Variants in CTNNA2 observed in about 807,000 individuals in gnomAD.
CTNNA2 encodes catenin alpha 2, also known as catenin alpha-2.
A neutral mutation model predicts 101.0 loss-of-function variants in CTNNA2; 42 were observed. The observed-to-expected ratio is 0.42, with a 90% CI of 0.32 to 0.54. CTNNA2 has a LOEUF of 0.54. CTNNA2 is among the 20% of genes least tolerant of loss of function. The pLI is 0.14. For synonymous variants in CTNNA2, 450 were observed against 456.4 expected (o/e 0.99, Z 0.18); for missense variants, 871 against 1,223.1 (o/e 0.71, Z 4.29).
At chr2:80,221,143 A>T (rs1279827864) in intron 7 of CTNNA2, among the ~76,000 whole-genome samples, 7 of 152,190 alleles carry the variant, frequency 4.6e-5, no homozygotes, top group Non-Finnish European at 8.8e-5. Context: ...TCGGCCTCCC[A>T]AAGTGTTGGG....
At chr2:79,523,160 T>C (rs1455969017) in intron 1 of CTNNA2, 2 of 368,026 alleles carry the variant, frequency 5.4e-6, no homozygotes, top group African/African-American at 4.2e-5. Flanking sequence ...TTGTGTAACA[T>C]TGCATTTTTT....
intron 6 of CTNNA2, among the ~76,000 whole-genome samples, chr2:79,887,306 G>C (rs1194624070): frequency 1.3e-5 from 2 of 152,154 alleles, no homozygotes. Flanking sequence ...AGAATCAACA[G>C]GTCATGAGAA....
intron 7 of CTNNA2, among the ~76,000 whole-genome samples, chr2:79,915,922 T>C (rs1686170834): frequency 6.6e-6 from 1 of 152,234 alleles, no homozygotes; most frequent in African/African-American, 2.4e-5. Context: ...CCGAAGGGAC[T>C]GTCATCAGAA....
At chr2:80,643,801 T>TCCATAA (rs533786908) in intron 18 of CTNNA2, among the ~76,000 whole-genome samples, 70 of 152,204 alleles carry the variant, frequency 4.6e-4, no homozygotes, top group East Asian at 3.3e-3. Flanking sequence ...TCTATTTATT[T>TCCATAA]CCATAAGGGT....
At chr2:80,103,191 C>G (rs1009000304) in intron 7 of CTNNA2, among the ~76,000 whole-genome samples, 3 of 152,170 alleles carry the variant, frequency 2.0e-5, no homozygotes, top group Non-Finnish European at 2.9e-5. Flanking sequence ...AAGAATAAAA[C>G]TATTTTCTCA....
At chr2:80,580,393 A>G (rs891952724) in intron 13 of CTNNA2, among the ~76,000 whole-genome samples, 2 of 152,182 alleles carry the variant, frequency 1.3e-5, no homozygotes, top group African/African-American at 2.4e-5. Context: ...AAGCAATTTT[A>G]TAACTTCAGT....
At chr2:79,602,003 T>A (rs1677584370) in intron 1 of CTNNA2, among the ~76,000 whole-genome samples, 1 of 152,128 alleles carries the variant, frequency 6.6e-6, no homozygotes, top group Non-Finnish European at 1.5e-5. Context: ...AATACAGTGT[T>A]GAATATCACA....
intron 2 of CTNNA2, among the ~76,000 whole-genome samples, chr2:79,273,787 C>T (rs549590629): frequency 4.6e-5 from 7 of 151,306 alleles, no homozygotes; most frequent in African/African-American, 1.2e-4. Flanking sequence ...ATTAAATGAG[C>T]GCTGACAGCA....
At chr2:80,166,273 T>G (rs1251918690) in intron 7 of CTNNA2, among the ~76,000 whole-genome samples, 1 of 152,140 alleles carries the variant, frequency 6.6e-6, no homozygotes, top group Admixed American at 6.6e-5. Flanking sequence ...AAGAGTTTTA[T>G]GATTAAAGGG....
At chr2:79,238,225 G>A (rs1174405090) in intron 2 of CTNNA2, among the ~76,000 whole-genome samples, 1 of 152,172 alleles carries the variant, frequency 6.6e-6, no homozygotes, top group African/African-American at 2.4e-5. Context: ...GGAGGCCAAA[G>A]GGGAGAGAGA....
chr2:80,521,418 G>A lies in CTNNA2; in HGVS notation c.1291-23564G>A, dbSNP rs138213881. Among the ~76,000 whole-genome samples the A allele has an allele frequency of 5.2e-3, 785 of 152,278 alleles. 12 individuals are homozygous for A. The highest frequency in any genetic ancestry group is 0.018 in the African/African-American group (744 of 41,546). On this transcript the variant is annotated intron_variant, in intron 9 of 18. Transcript: ENST00000402739. ...CACAGTTGCTCACATCCTAATCCCT[G>A]GAACCCATGAATATGTTACTTCATG...
intron 7 of CTNNA2, among the ~76,000 whole-genome samples, chr2:80,391,471 C>T (rs1238992327): frequency 6.6e-6 from 1 of 152,206 alleles, no homozygotes; most frequent in Non-Finnish European, 1.5e-5. Flanking sequence ...CAACTAAACT[C>T]ATAACTTTTA....
chr2:79,797,888 T>C (rs1297421617), intron 3 of CTNNA2, among the ~76,000 whole-genome samples: 3 of 152,134 alleles, frequency 2.0e-5, no homozygotes, highest in African/African-American at 7.2e-5. Flanking sequence ...ATGAATCATT[T>C]ATTCTTCATT....
chr2:79,563,935 A>G lies in CTNNA2; in HGVS notation c.-6+50728A>G, dbSNP rs147077450. Among the ~76,000 whole-genome samples the G allele has an allele frequency of 2.6e-5, 4 of 152,240 alleles. No individual in the cohort carries two copies. The East Asian group carries it at 7.7e-4, about 29-fold the overall frequency. On this transcript the variant is annotated intron_variant, in intron 1 of 18. Transcript: ENST00000402739. Reference sequence around the variant, plus strand: ...TTGTTTGTTGGCATAGGGCCTGGTCATTGCTCTTTTCCATCCTCATAATGG... The same window carrying G: ...TTGTTTGTTGGCATAGGGCCTGGTCGTTGCTCTTTTCCATCCTCATAATGG...
At chr2:80,116,275 A>G (rs918989739) in intron 7 of CTNNA2, among the ~76,000 whole-genome samples, 1 of 151,464 alleles carries the variant, frequency 6.6e-6, no homozygotes, top group Non-Finnish European at 1.5e-5. Flanking sequence ...CCATGTGTTT[A>G]GAATATGGAC....
chr2:80,264,276 T>G (rs930815930), intron 7 of CTNNA2, among the ~76,000 whole-genome samples: 2 of 152,064 alleles, frequency 1.3e-5, no homozygotes, highest in Non-Finnish European at 2.9e-5. Flanking sequence ...GAGGAGAAGG[T>G]TATAGCAAAA....
intron 7 of CTNNA2, among the ~76,000 whole-genome samples, chr2:80,165,438 T>A (rs1281116721): frequency 2.6e-5 from 4 of 152,216 alleles, no homozygotes; most frequent in Non-Finnish European, 4.4e-5. Context: ...TAAAAATATC[T>A]TCTACTTCTT....
In CTNNA2 at chr2:79,681,203, T is replaced by A. The variant is rs535325491; in HGVS notation, c.102+29545T>A. Among the ~76,000 whole-genome samples the A allele has an allele frequency of 2.6e-5, 4 of 152,278 alleles. No homozygotes were observed. In the South Asian group the frequency reaches 8.3e-4, roughly 32 times the overall value. On this transcript the variant is annotated intron_variant, in intron 2 of 18. Transcript: ENST00000402739. ...TTCACTTTCCTATCATCCATCACCT[T>A]TAACACTTTTCTACTAATTTTTTTA... is the stretch of plus-strand genomic sequence containing the variant.
At chr2:79,466,150 G>A (rs998794656) in intron 4 of CTNNA2, among the ~76,000 whole-genome samples, 24 of 152,184 alleles carry the variant, frequency 1.6e-4, no homozygotes, top group African/African-American at 5.1e-4. Context: ...GGGTAGCTGT[G>A]ACAGACAGCA....
Sources: allele counts gnomAD v4.1 joint callset (sites outside exome capture counted in the v4.1 genomes callset), GRCh38; gene constraint gnomAD v4.1.1; transcripts MANE v1.5; gene names NCBI Gene and HGNC (gene_info 2026-07-23, HGNC 2026-07-21).